Variants in RPS6KA2 observed in about 807,000 individuals in gnomAD.
RPS6KA2 encodes ribosomal protein S6 kinase A2.
In RPS6KA2, 42 loss-of-function variants were observed where a neutral mutation model predicts 91.8. That is an observed-to-expected ratio of 0.46 (90% confidence interval 0.36 to 0.59). The LOEUF (loss-of-function observed/expected upper bound fraction) is 0.59. RPS6KA2 is among the 20% of genes least tolerant of loss of function. The pLI is 0.00. For missense variants in RPS6KA2, 798 were observed against 978.5 expected (o/e 0.82, Z 2.46); for synonymous variants, 414 against 393.6 (o/e 1.05, Z -0.61).
intron 2 of RPS6KA2, among the ~76,000 whole-genome samples, chr6:166,759,086 CAT>C (rs982605658): frequency 1.2e-4 from 11 of 94,396 alleles, no homozygotes; most frequent in African/African-American, 3.2e-4. Context: ...TGTGTGTGCA[CAT>C]GTGTGTGCCT....
At chr6:166,462,241 C>G (rs1387989360) in intron 11 of RPS6KA2, among the ~76,000 whole-genome samples, 3 of 152,236 alleles carry the variant, frequency 2.0e-5, no homozygotes, top group Non-Finnish European at 4.4e-5. Context: ...CCTTGGAACC[C>G]CTTCCCCTCC....
chr6:166,493,175 C>G lies in RPS6KA2; in HGVS notation c.748-2434G>C, dbSNP rs1781664471. Among the ~76,000 whole-genome samples, 1 of 152,144 alleles carries G rather than the reference C, an allele frequency of 6.6e-6. No individual in the cohort carries two copies. The highest frequency in any genetic ancestry group is 1.5e-5 in the Non-Finnish European group (1 of 68,020). On this transcript the variant is annotated intron_variant, in intron 8 of 20. Transcript: ENST00000265678. The surrounding 1 kb of genome is among the most constrained non-coding windows in gnomAD (Gnocchi z 4.7). ...CTACTCAGCCAGAGAACACCCAGCA[C>G]AGCACCCATGAATATTCAACAACTG...
At chr6:166,667,472 G>T (rs1324582633) in intron 2 of RPS6KA2, among the ~76,000 whole-genome samples, 1 of 152,170 alleles carries the variant, frequency 6.6e-6, no homozygotes, top group East Asian at 1.9e-4. Flanking sequence ...AACACCTGTT[G>T]ATACCTTGTG....
At chr6:166,628,869 G>A (rs1786991292), upstream of RPS6KA2, among the ~76,000 whole-genome samples, 1 of 152,358 alleles carries the variant, frequency 6.6e-6, no homozygotes, top group Middle Eastern at 3.4e-3. Context: ...TGTATTAAAG[G>A]ATCTATAATG....
intron 3 of RPS6KA2, among the ~76,000 whole-genome samples, chr6:166,521,172 G>C (rs1486185872): frequency 1.3e-5 from 2 of 152,206 alleles, no homozygotes; most frequent in Non-Finnish European, 2.9e-5. Flanking sequence ...GGGAGTGCAG[G>C]AGCCTTGGGG....
At chr6:166,499,338 G>C (rs960089800) in intron 7 of RPS6KA2, among the ~76,000 whole-genome samples, 2 of 152,250 alleles carry the variant, frequency 1.3e-5, no homozygotes, top group African/African-American at 4.8e-5. Context: ...AGTGGGTAGA[G>C]CAGCAGTGCC....
intron 1 of RPS6KA2, among the ~76,000 whole-genome samples, chr6:166,540,529 G>A (rs993410967): frequency 9.8e-5 from 15 of 152,326 alleles, no homozygotes; most frequent in South Asian, 8.3e-4. Context: ...TCATATGAGT[G>A]CAGTTGGAAG....
chr6:166,842,044 C>T (rs1040414653), intron 2 of RPS6KA2, among the ~76,000 whole-genome samples: 3 of 152,058 alleles, frequency 2.0e-5, no homozygotes, highest in African/African-American at 4.8e-5. Context: ...ACACCTCCAG[C>T]GGTAGTAGAA....
chr6:166,521,903 G>T (rs758922785), intron 3 of RPS6KA2, among the ~76,000 whole-genome samples: 15 of 152,208 alleles, frequency 9.9e-5, no homozygotes, highest in Non-Finnish European at 1.6e-4. Flanking sequence ...CCTCCGGGAG[G>T]TGATTAGGTC....
chr6:166,728,242 C>T (rs560823275), intron 2 of RPS6KA2, among the ~76,000 whole-genome samples: 21 of 152,188 alleles, frequency 1.4e-4, no homozygotes, highest in African/African-American at 4.3e-4. Flanking sequence ...ACGAATGGGG[C>T]GGACTGGCCA....
In RPS6KA2 at chr6:166,782,770, T is replaced by A. The variant is rs932799008; in HGVS notation, c.123+75430A>T. On this transcript the variant is annotated intron_variant, in intron 2 of 21. Transcript: ENST00000503859. The stretch of plus-strand genomic sequence containing the variant: ...CCTCCCAGCCCCAGCTCAGCCCGGA[T>A]GCAACAGAAGCCAGAAGTGCACCCA... Among the ~76,000 whole-genome samples, 3 of 152,150 alleles carry A rather than the reference T, an allele frequency of 2.0e-5. No homozygotes were observed. The East Asian group carries it at 5.8e-4, about 29-fold the overall frequency.
At chr6:166,807,897 G>A (rs1205778048) in intron 2 of RPS6KA2, among the ~76,000 whole-genome samples, 1 of 152,170 alleles carries the variant, frequency 6.6e-6, no homozygotes, top group African/African-American at 2.4e-5. Flanking sequence ...TTCTGCCATG[G>A]CACTCATCTC....
chr6:166,794,518 G>A (rs1024957349), intron 2 of RPS6KA2, among the ~76,000 whole-genome samples: 2 of 151,354 alleles, frequency 1.3e-5, no homozygotes, highest in African/African-American at 4.9e-5. Flanking sequence ...TATACCCAAA[G>A]GATTATAAAT....
chr6:166,817,088 G>C (rs985363148), intron 2 of RPS6KA2, among the ~76,000 whole-genome samples: 6 of 152,192 alleles, frequency 3.9e-5, no homozygotes, highest in African/African-American at 1.4e-4. Context: ...GTGCCTTTCA[G>C]AGTAAATGGT....
chr6:166,594,555 C>T (rs542616207), intron 1 of RPS6KA2, among the ~76,000 whole-genome samples: 11 of 152,312 alleles, frequency 7.2e-5, no homozygotes, highest in South Asian at 4.1e-4. Context: ...CTCTGCCTCC[C>T]GGGTTCACGC....
chr6:166,423,236 T>A lies in RPS6KA2; in HGVS notation c.1743+20A>T. On this transcript the variant is annotated intron_variant, in intron 17 of 20. Coordinates refer to ENST00000265678, the MANE Select transcript of RPS6KA2 (RefSeq NM_021135.6). This position sits in a 1 kb window ranked among gnomAD's most constrained non-coding sequence, Gnocchi z 4.8. ...CTTTGCGGATAGAGAGGCCTGGGTCTGCAGTCGGGGAATGCTCACCTCCGG... is the reference window on the plus strand; with the variant it reads ...CTTTGCGGATAGAGAGGCCTGGGTCAGCAGTCGGGGAATGCTCACCTCCGG... 6.3e-7 allele frequency: 1 copy of A among 1,594,182 alleles called. No homozygotes were observed.
At chr6:166,638,229 A>G (rs181961531) in intron 2 of RPS6KA2, among the ~76,000 whole-genome samples, 1 of 152,376 alleles carries the variant, frequency 6.6e-6, no homozygotes, top group South Asian at 2.1e-4. Flanking sequence ...GCAAGCTCGC[A>G]ATCACTGTGC....
rs571699704 is a variant in RPS6KA2, at chr6:166,820,045, A to T, written c.123+38155T>A. 4.7e-4 allele frequency among the ~76,000 whole-genome samples: 72 copies of T among 152,356 alleles called. 1 individual carries two copies. In the South Asian group the frequency reaches 0.015, roughly 32 times the overall value. The stretch of plus-strand genomic sequence containing the variant: ...CTCCTGCAAATCTGAGGTGAAGGGA[A>T]GTAGCTGGAGCAGTTTTCAGTGCAT... On this transcript the variant is annotated intron_variant, in intron 2 of 21. Transcript: ENST00000503859.
At chr6:166,782,838 C>T (rs1457834556) in intron 2 of RPS6KA2, among the ~76,000 whole-genome samples, 3 of 152,178 alleles carry the variant, frequency 2.0e-5, no homozygotes, top group African/African-American at 7.2e-5. Context: ...ATGCACTCGT[C>T]AGTTCTAACT....
Sources: allele counts gnomAD v4.1 joint callset (sites outside exome capture counted in the v4.1 genomes callset), GRCh38; gene constraint gnomAD v4.1.1; non-coding constraint Gnocchi (gnomAD v3.1); transcripts MANE v1.5; gene names NCBI Gene and HGNC (gene_info 2026-07-23, HGNC 2026-07-21).